SPATA17: variants seen among roughly 807,000 people sequenced by gnomAD.
SPATA17 encodes spermatogenesis associated 17.
In SPATA17, 53 loss-of-function variants were observed where a neutral mutation model predicts 62.2. That is an observed-to-expected ratio of 0.85 (90% CI 0.68 to 1.07). The LOEUF is 1.07. Ranked by LOEUF, SPATA17 falls within the 50% of genes least tolerant of loss-of-function variation. SPATA17 has a pLI of 0.00. For missense variants in SPATA17, 466 were observed against 425.5 expected (o/e 1.10, Z -0.84); for synonymous variants, 146 against 146.8 (o/e 0.99, Z 0.04).
chr1:217,751,935 C>A (rs1198446722), intron 6 of SPATA17, among the ~76,000 whole-genome samples: 2 of 152,138 alleles, frequency 1.3e-5, no homozygotes, highest in Non-Finnish European at 2.9e-5. Flanking sequence ...TTATGTGTGA[C>A]TGGGGACAGA....
At chr1:217,690,258 TC>T (rs1486852242) in intron 5 of SPATA17, among the ~76,000 whole-genome samples, 1 of 152,008 alleles carries the variant, frequency 6.6e-6, no homozygotes, top group East Asian at 1.9e-4. Flanking sequence ...TCTCATTCTA[TC>T]CTCCAATATC....
At chr1:217,721,420 T>G (rs182019591) in intron 5 of SPATA17, among the ~76,000 whole-genome samples, 150 of 152,262 alleles carry the variant, frequency 9.9e-4, no homozygotes, top group African/African-American at 3.3e-3. Flanking sequence ...GGAGTTCTGC[T>G]GGCATCTGCT....
At chr1:217,686,611 C>T (rs1671221211) in intron 5 of SPATA17, among the ~76,000 whole-genome samples, 1 of 152,088 alleles carries the variant, frequency 6.6e-6, no homozygotes, top group Non-Finnish European at 1.5e-5. Context: ...CTTTGTTTCA[C>T]AGATAATACA....
At chr1:217,849,164 C>G (rs1675591188) in intron 9 of SPATA17, among the ~76,000 whole-genome samples, 1 of 152,090 alleles carries the variant, frequency 6.6e-6, no homozygotes, top group Non-Finnish European at 1.5e-5. Flanking sequence ...ATGTTAGATG[C>G]TTTCCTCAGA....
intron 3 of SPATA17, among the ~76,000 whole-genome samples, chr1:217,667,318 A>AT (rs1342479429): frequency 6.6e-6 from 1 of 152,010 alleles, no homozygotes; most frequent in Admixed American, 6.6e-5. Context: ...AAGTGCTGGG[A>AT]TTACAGGCAT....
intron 9 of SPATA17, among the ~76,000 whole-genome samples, chr1:217,815,613 G>T (rs759778314): frequency 4.6e-5 from 7 of 152,164 alleles, no homozygotes; most frequent in East Asian, 3.8e-4. Context: ...AGGTGACGTT[G>T]TGAAGGTGTT....
At chr1:217,826,932 A>T (rs1356372443) in intron 9 of SPATA17, among the ~76,000 whole-genome samples, 1 of 152,086 alleles carries the variant, frequency 6.6e-6, no homozygotes, top group Non-Finnish European at 1.5e-5. Context: ...GGACTATATA[A>T]ACTATACTCA....
intron 8 of SPATA17, 63 bp downstream of exon 8, chr1:217,782,385 T>G: frequency 6.7e-7 from 1 of 1,486,028 alleles, no homozygotes; most frequent in Admixed American, 2.4e-5. Context: ...TTCTAATTTT[T>G]TTATTTTCTA....
At chr1:217,813,361 G>A (rs577081901) in intron 9 of SPATA17, among the ~76,000 whole-genome samples, 1 of 152,158 alleles carries the variant, frequency 6.6e-6, no homozygotes, top group Non-Finnish European at 1.5e-5. Flanking sequence ...CATTACAGCT[G>A]AACTGTACAG....
At chr1:217,808,238 G>C (rs542498668) in intron 9 of SPATA17, among the ~76,000 whole-genome samples, 1 of 152,198 alleles carries the variant, frequency 6.6e-6, no homozygotes, top group East Asian at 1.9e-4. Context: ...GGTGGGAAAG[G>C]CAAAGAGAAG....
At chr1:217,793,853 C>T (rs1267536946) in intron 8 of SPATA17, among the ~76,000 whole-genome samples, 3 of 151,972 alleles carry the variant, frequency 2.0e-5, no homozygotes, top group Admixed American at 1.3e-4. Context: ...CGGTGGCTCA[C>T]GCCTGTAATC....
intron 1 of SPATA17, among the ~76,000 whole-genome samples, chr1:217,632,446 C>T (rs771228800): frequency 2.0e-5 from 3 of 152,068 alleles, no homozygotes; most frequent in Non-Finnish European, 4.4e-5. Flanking sequence ...CATGACAGAC[C>T]AATGGAAAAT....
chr1:217,769,771 A>C (rs1428897217), intron 6 of SPATA17, among the ~76,000 whole-genome samples: 1 of 152,172 alleles, frequency 6.6e-6, no homozygotes, highest in East Asian at 1.9e-4. Context: ...GTTTCCATGA[A>C]ATTCCTATTC....
chr1:217,782,410 C>T, intron 8 of SPATA17, 88 bp downstream of exon 8: 16 of 1,365,028 alleles, frequency 1.2e-5, no homozygotes, highest in Non-Finnish European at 1.5e-5. Flanking sequence ...TGTAAAAAAT[C>T]TTTTATTTGT....
At chr1:217,762,875 GGT>G (rs1673206099) in intron 6 of SPATA17, among the ~76,000 whole-genome samples, 2 of 152,234 alleles carry the variant, frequency 1.3e-5, no homozygotes, top group South Asian at 4.2e-4. Context: ...GGGAGGCTGA[GGT>G]GGGAGAATTA....
intron 6 of SPATA17, among the ~76,000 whole-genome samples, chr1:217,768,158 T>A (rs1161875433): frequency 2.0e-5 from 3 of 151,990 alleles, no homozygotes; most frequent in Non-Finnish European, 4.4e-5. Flanking sequence ...GGCAGGGTAA[T>A]CACTTGAACC....
At chr1:217,714,249 C>G (rs547996629) in intron 5 of SPATA17, among the ~76,000 whole-genome samples, 1 of 151,634 alleles carries the variant, frequency 6.6e-6, no homozygotes, top group Non-Finnish European at 1.5e-5. Context: ...ATTAGCCAAG[C>G]GTGGTGGCAG....
At chr1:217,708,533 A>G (rs1041003173) in intron 5 of SPATA17, among the ~76,000 whole-genome samples, 3 of 152,084 alleles carry the variant, frequency 2.0e-5, no homozygotes, top group Non-Finnish European at 4.4e-5. Context: ...CAGACCAATA[A>G]TGAGTTCCAA....
chr1:217,654,172 C>G (rs1670382813), intron 3 of SPATA17, among the ~76,000 whole-genome samples: 1 of 148,198 alleles, frequency 6.7e-6, no homozygotes, highest in Admixed American at 6.8e-5. Context: ...AAGTCTTGCT[C>G]TGTTGTCCAG....
Sources: allele counts gnomAD v4.1 joint callset (sites outside exome capture counted in the v4.1 genomes callset), GRCh38; gene constraint gnomAD v4.1.1; transcripts MANE v1.5; gene names NCBI Gene and HGNC (gene_info 2026-07-23, HGNC 2026-07-21).